The following CCDC85A variants were observed in gnomAD, a reference collection of about 807,000 sequenced individuals.
The protein encoded by CCDC85A is coiled-coil domain containing 85A.
In CCDC85A, 38 loss-of-function variants were observed where a neutral mutation model predicts 50.2. The observed-to-expected ratio is 0.76, with a 90% CI of 0.58 to 0.99. The LOEUF (loss-of-function observed/expected upper bound fraction) is 0.99, where lower values mean the gene tolerates loss of function less well. Ranked by LOEUF, CCDC85A falls within the 50% of genes least tolerant of loss-of-function variation. The pLI is 0.00. For missense variants in CCDC85A, 820 were observed against 742.0 expected (o/e 1.11, Z -1.22); for synonymous variants, 366 against 301.4 (o/e 1.21, Z -2.22).
chr2:56,332,633 G>A (rs1018664761), intron 2 of CCDC85A, among the ~76,000 whole-genome samples: 5 of 151,810 alleles, frequency 3.3e-5, no homozygotes, highest in African/African-American at 1.2e-4. Flanking sequence ...GTCTCTCACT[G>A]TCTGTCTCTG....
At chr2:56,308,066 G>A (rs377678329) in intron 2 of CCDC85A, among the ~76,000 whole-genome samples, 58 of 152,122 alleles carry the variant, frequency 3.8e-4, no homozygotes, top group African/African-American at 1.3e-3. Flanking sequence ...AGCATGAGTC[G>A]ACCTTTAAGG....
At chr2:56,275,467 AC>A (rs1670889353) in intron 2 of CCDC85A, among the ~76,000 whole-genome samples, 1 of 66,692 alleles carries the variant, frequency 1.5e-5, no homozygotes, top group Non-Finnish European at 4.0e-5. Flanking sequence ...CAGCTATTTA[AC>A]ATCATATAGA....
At chr2:56,349,312 G>T (rs4672110) in intron 3 of CCDC85A, among the ~76,000 whole-genome samples, 6 of 151,934 alleles carry the variant, frequency 3.9e-5, no homozygotes, top group African/African-American at 1.5e-4. Flanking sequence ...AGGAAAAAGG[G>T]TTTTATGTGT....
At chr2:56,295,253 T>C (rs1671893845) in intron 2 of CCDC85A, among the ~76,000 whole-genome samples, 1 of 152,202 alleles carries the variant, frequency 6.6e-6, no homozygotes, top group Non-Finnish European at 1.5e-5. Flanking sequence ...TATTGGACCT[T>C]CAAGTATTTA....
intron 3 of CCDC85A, among the ~76,000 whole-genome samples, chr2:56,350,764 T>C (rs1037047953): frequency 6.6e-6 from 1 of 151,498 alleles, no homozygotes; most frequent in African/African-American, 2.4e-5. Context: ...TTTTTTTTTT[T>C]TTTCTATTGC....
At chr2:56,277,369 T>C (rs1431727559) in intron 2 of CCDC85A, among the ~76,000 whole-genome samples, 1 of 152,172 alleles carries the variant, frequency 6.6e-6, no homozygotes, top group African/African-American at 2.4e-5. Context: ...AAAACGTCCT[T>C]CATTTTCTTC....
At chr2:56,196,746 T>C (rs1326371807) in intron 2 of CCDC85A, among the ~76,000 whole-genome samples, 3 of 152,152 alleles carry the variant, frequency 2.0e-5, no homozygotes, top group Non-Finnish European at 2.9e-5. Flanking sequence ...CCACTGGACA[T>C]AATGAATGCA....
intron 3 of CCDC85A, among the ~76,000 whole-genome samples, chr2:56,357,078 C>CAAA (rs199639570): frequency 4.6e-5 from 4 of 86,900 alleles, no homozygotes; most frequent in African/African-American, 1.3e-4. Flanking sequence ...GACTCCATCT[C>CAAA]AAAAAAAAAA....
At chr2:56,312,925 T>C (rs1449931661) in intron 2 of CCDC85A, among the ~76,000 whole-genome samples, 1 of 152,182 alleles carries the variant, frequency 6.6e-6, no homozygotes, top group Non-Finnish European at 1.5e-5. Flanking sequence ...AATCCTGACA[T>C]ACAAAAGCAG....
At chr2:56,280,660 C>T (rs749336610) in intron 2 of CCDC85A, among the ~76,000 whole-genome samples, 1 of 152,114 alleles carries the variant, frequency 6.6e-6, no homozygotes, top group Non-Finnish European at 1.5e-5. Context: ...GATCCAGCTA[C>T]TGAGAGAATC....
At chr2:56,312,404 G>C (rs1451096242) in intron 2 of CCDC85A, among the ~76,000 whole-genome samples, 1 of 152,096 alleles carries the variant, frequency 6.6e-6, no homozygotes, top group Non-Finnish European at 1.5e-5. Flanking sequence ...CAGAAGTTTA[G>C]GTTTGAATGT....
intron 2 of CCDC85A, among the ~76,000 whole-genome samples, chr2:56,293,921 G>C (rs897438203): frequency 3.3e-5 from 5 of 152,162 alleles, no homozygotes; most frequent in African/African-American, 1.2e-4. Flanking sequence ...TTTGGAACCA[G>C]AAATACCATT....
rs866090654 is a variant in CCDC85A, at chr2:56,363,968, C to T, written c.1318-8376C>T. 2.0e-5 allele frequency among the ~76,000 whole-genome samples: 3 copies of T among 152,162 alleles called. No individual in the cohort carries two copies. The South Asian group carries it at 6.2e-4, about 31-fold the overall frequency. ...TCAGCAACAATGCCATAACCTTTTA[C>T]TATTTAATACCAGCCTGATTGAAAA... is the stretch of plus-strand genomic sequence containing the variant. On this transcript the variant is annotated intron_variant, in intron 3 of 5. Transcript: ENST00000407595.
chr2:56,371,259 C>T lies in CCDC85A; in HGVS notation c.1318-1085C>T, dbSNP rs148325579. Among the ~76,000 whole-genome samples, 483 of 152,220 alleles carry T rather than the reference C, an allele frequency of 3.2e-3. 2 individuals are homozygous for T. The highest frequency in any genetic ancestry group is 0.011 in the African/African-American group (468 of 41,542). On this transcript the variant is annotated intron_variant, in intron 3 of 5. Coordinates refer to ENST00000407595, the MANE Select transcript of CCDC85A (RefSeq NM_001080433.2). ...CAGAAAAGAGTTTTGTGAGTACCAA[C>T]TACTGGTCATTATTTCTTCTCTTTC...
chr2:56,261,490 C>A (rs1322774255), intron 2 of CCDC85A, among the ~76,000 whole-genome samples: 1 of 152,194 alleles, frequency 6.6e-6, no homozygotes, highest in East Asian at 1.9e-4. Context: ...ACATTGCACC[C>A]TGGTAGTATC....
At chr2:56,314,804 G>A (rs189262854) in intron 2 of CCDC85A, among the ~76,000 whole-genome samples, 36 of 152,232 alleles carry the variant, frequency 2.4e-4, no homozygotes, top group African/African-American at 7.7e-4. Context: ...CTTTAACTTG[G>A]TATTTCCTTC....
At chr2:56,302,712 C>T (rs1005129647) in intron 2 of CCDC85A, among the ~76,000 whole-genome samples, 1 of 152,206 alleles carries the variant, frequency 6.6e-6, no homozygotes, top group Non-Finnish European at 1.5e-5. Flanking sequence ...ACATAAAGCT[C>T]ATTTTTACAA....
chr2:56,370,950 C>T (rs1445394285), intron 3 of CCDC85A, among the ~76,000 whole-genome samples: 1 of 151,916 alleles, frequency 6.6e-6, no homozygotes, highest in Non-Finnish European at 1.5e-5. Flanking sequence ...TTGCATTACT[C>T]ATTAATGATC....
intron 2 of CCDC85A, among the ~76,000 whole-genome samples, chr2:56,313,233 T>A (rs188512235): frequency 1.9e-4 from 29 of 152,308 alleles, no homozygotes; most frequent in African/African-American, 7.0e-4. Context: ...AGTCTTTATG[T>A]AAGACTTTAA....
Sources: gnomAD v4.1 joint callset for allele counts (sites outside exome capture counted in the v4.1 genomes callset) on GRCh38, gnomAD v4.1.1 for gene constraint, MANE v1.5 for transcripts, NCBI Gene and HGNC (gene_info 2026-07-23, HGNC 2026-07-21) for gene names.